POU2F3: variants seen among roughly 807,000 people sequenced by gnomAD.
POU2F3 encodes POU class 2 homeobox 3.
In POU2F3, 23 loss-of-function variants were observed where a neutral mutation model predicts 59.2. The ratio of observed to expected loss-of-function variants is 0.39; its 90% confidence interval spans 0.28 to 0.55. The LOEUF is 0.55. Among genes scored for constraint, POU2F3 ranks in the 20% least tolerant of loss-of-function variants. POU2F3 has a pLI of 0.66. For synonymous variants in POU2F3, 190 were observed against 214.6 expected, an observed-to-expected ratio of 0.89 and a Z score of 1.00; for missense variants, 473 against 544.5, an observed-to-expected ratio of 0.87 and a Z score of 1.31.
At chr11:120,294,455 T>C (rs1463849421) in intron 3 of POU2F3, among the ~76,000 whole-genome samples, 2 of 152,154 alleles carry the variant, frequency 1.3e-5, no homozygotes, top group Admixed American at 1.3e-4. Flanking sequence ...GTGGGTTTGG[T>C]TGGGTTTTCA....
intron 2 of POU2F3, among the ~76,000 whole-genome samples, chr11:120,249,518 A>G (rs989830865): frequency 9.9e-5 from 15 of 151,964 alleles, no homozygotes; most frequent in African/African-American, 3.4e-4. Context: ...ACTTTTCTCC[A>G]CTCTTGAGGC....
At chr11:120,236,783 A>ATAAAGATTG, upstream of POU2F3, 2 of 1,356,722 alleles carry the variant, frequency 1.5e-6, no homozygotes, top group Non-Finnish European at 2.0e-6. Flanking sequence ...GAGAGAAGGA[A>ATAAAGATTG]TAAAGATTGC....
chr11:120,278,028 A>C (rs1940406637), intron 3 of POU2F3, among the ~76,000 whole-genome samples: 1 of 152,222 alleles, frequency 6.6e-6, no homozygotes, highest in African/African-American at 2.4e-5. Flanking sequence ...AGTGTTAAAC[A>C]ACTCTTTGTA....
intron 3 of POU2F3, among the ~76,000 whole-genome samples, chr11:120,276,558 G>A (rs551253146): frequency 2.0e-5 from 3 of 152,080 alleles, no homozygotes; most frequent in Admixed American, 6.5e-5. Flanking sequence ...ACAGGATTTG[G>A]GGGTGGTGGG....
chr11:120,255,713 T>G (rs548239326), intron 2 of POU2F3, among the ~76,000 whole-genome samples: 1 of 152,160 alleles, frequency 6.6e-6, no homozygotes, highest in South Asian at 2.1e-4. Flanking sequence ...GAGTCGGCGC[T>G]GGGCTGGGTG....
chr11:120,289,377 G>C (rs1294025010), intron 3 of POU2F3, among the ~76,000 whole-genome samples: 1 of 152,118 alleles, frequency 6.6e-6, no homozygotes, highest in Non-Finnish European at 1.5e-5. Flanking sequence ...TTTTTAACCG[G>C]CTACCCTCGC....
intron 5 of POU2F3, among the ~76,000 whole-genome samples, chr11:120,300,071 A>G (rs1941305254): frequency 1.3e-5 from 2 of 152,126 alleles, no homozygotes; most frequent in Non-Finnish European, 2.9e-5. Context: ...ACAAGTCCCA[A>G]TTCCTTGGAA....
chr11:120,286,523 A>T (rs2135248546), intron 3 of POU2F3, among the ~76,000 whole-genome samples: 1 of 152,314 alleles, frequency 6.6e-6, no homozygotes, highest in East Asian at 1.9e-4. Context: ...CCAGCTGCAA[A>T]TAAGGCAGTA....
At chr11:120,270,006 C>A (rs541480091) in intron 3 of POU2F3, among the ~76,000 whole-genome samples, 34 of 152,092 alleles carry the variant, frequency 2.2e-4, no homozygotes, top group African/African-American at 8.0e-4. Context: ...AAAGGCTAAG[C>A]TGGAGCCAAG....
intron 1 of POU2F3, 38 bp downstream of exon 1, chr11:120,240,409 T>A (rs1271368166): frequency 7.3e-7 from 1 of 1,370,990 alleles, no homozygotes; most frequent in Admixed American, 2.8e-5. Flanking sequence ...CAGGTGTCAC[T>A]GCGCGTGGGC....
chr11:120,280,786 C>A (rs768301614), intron 3 of POU2F3, among the ~76,000 whole-genome samples: 1 of 152,194 alleles, frequency 6.6e-6, no homozygotes, highest in Non-Finnish European at 1.5e-5. Flanking sequence ...CCTCTTCTGG[C>A]TGAGGCTTGC....
chr11:120,313,218 C>G (rs886733044), intron 10 of POU2F3, among the ~76,000 whole-genome samples: 7 of 152,174 alleles, frequency 4.6e-5, no homozygotes, highest in Non-Finnish European at 1.0e-4. Context: ...CCCAGGACAT[C>G]AACATGGTGA....
chr11:120,296,930 T>C (rs115942196), intron 3 of POU2F3, among the ~76,000 whole-genome samples: 3,844 of 152,286 alleles, frequency 0.025, 166 homozygotes, highest in African/African-American at 0.087. Context: ...ACCATTTTTT[T>C]CCGCAAGAAT....
intron 3 of POU2F3, among the ~76,000 whole-genome samples, chr11:120,276,438 G>C (rs569061073): frequency 2.6e-5 from 4 of 152,086 alleles, no homozygotes; most frequent in African/African-American, 9.7e-5. Context: ...GGGAGGCTCC[G>C]AGACCTCTTT....
chr11:120,302,376 AC>A lies in POU2F3; in HGVS notation c.444+12del. On this transcript the variant is annotated intron_variant, in intron 6 of 12. Transcript: ENST00000543440. ...CCGGGACTGGCATCCCAGGTAAACAACCCCATTCTTCCTGTTTCCTCTAGGA... is the reference window on the plus strand; with the variant it reads ...CCGGGACTGGCATCCCAGGTAAACAACCCATTCTTCCTGTTTCCTCTAGGA... 6.3e-7 allele frequency: 1 copy of A among 1,581,884 alleles called. No homozygotes were observed.
intron 3 of POU2F3, among the ~76,000 whole-genome samples, chr11:120,296,685 A>G (rs1941200951): frequency 6.6e-6 from 1 of 152,150 alleles, no homozygotes; most frequent in African/African-American, 2.4e-5. Context: ...GCTAAGGACA[A>G]TGGCCTCCAT....
intron 12 of POU2F3, 102 bp from the exon 13 acceptor site, chr11:120,318,251 T>C: frequency 9.1e-7 from 1 of 1,100,328 alleles, no homozygotes; most frequent in Non-Finnish European, 1.4e-6. Context: ...TTTTTATTAC[T>C]CCTACCTGCA....
chr11:120,273,813 C>T (rs933670973), intron 3 of POU2F3, among the ~76,000 whole-genome samples: 5 of 152,076 alleles, frequency 3.3e-5, no homozygotes, highest in Non-Finnish European at 5.9e-5. Flanking sequence ...GTCAGGAGTT[C>T]AAGACCAGCC....
upstream of POU2F3, chr11:120,236,743 C>T (rs1242858494): frequency 7.6e-6 from 11 of 1,442,928 alleles, no homozygotes; most frequent in South Asian, 4.9e-5. Context: ...TCTAGCTCAT[C>T]TAACTGAAAT....
Sources: allele counts gnomAD v4.1 joint callset (sites outside exome capture counted in the v4.1 genomes callset), GRCh38; gene constraint gnomAD v4.1.1; transcripts MANE v1.5; gene names NCBI Gene and HGNC (gene_info 2026-07-23, HGNC 2026-07-21).